ESR1: variants seen among roughly 807,000 people sequenced by gnomAD.
ESR1 encodes estrogen receptor.
Under a neutral mutation model 52.7 loss-of-function variants are expected in ESR1, and 12 were observed. That is an observed-to-expected ratio of 0.23 (90% CI 0.15 to 0.37). ESR1 has a LOEUF of 0.37. Ranked by LOEUF, ESR1 falls within the 10% of genes least tolerant of loss-of-function variation. The pLI, the probability that ESR1 is intolerant of heterozygous loss-of-function variation, is 1.00. For missense variants in ESR1, 584 were observed against 779.7 expected, an observed-to-expected ratio of 0.75 and a Z score of 2.99; for synonymous variants, 305 against 316.8, an observed-to-expected ratio of 0.96 and a Z score of 0.39.
At chr6:151,996,971 A>G (rs1023674116) in intron 4 of ESR1, among the ~76,000 whole-genome samples, 2 of 151,962 alleles carry the variant, frequency 1.3e-5, no homozygotes, top group Non-Finnish European at 2.9e-5. Flanking sequence ...AGACCATCCA[A>G]TGGTGTTATT....
At position 151,759,453 on chromosome 6, in the gene ESR1, C is replaced by T. The variant is rs1033438593; in HGVS notation, c.-70-48390C>T. ...GTGGGTGCAGCGCACCAGCATGGCA[C>T]ATGTATACATATGTAACTAACCTGC... is the stretch of plus-strand genomic sequence containing the variant. On this transcript the variant is annotated intron_variant, in intron 2 of 2. Coordinates refer to the ESR1 transcript ENST00000404742. 3.2e-4 allele frequency among the ~76,000 whole-genome samples: 49 copies of T among 151,858 alleles called. 1 individual carries two copies. Among genetic ancestry groups the T allele is most frequent in the Non-Finnish European group, 2.6e-4 (18 of 67,984 alleles).
intron 3 of ESR1, among the ~76,000 whole-genome samples, chr6:151,884,407 A>C (rs1583938880): frequency 6.6e-6 from 1 of 152,218 alleles, no homozygotes; most frequent in Non-Finnish European, 1.5e-5. Context: ...TCTTTACAAC[A>C]TGTTTTCAAC....
chr6:151,764,678 T>C (rs969995120), intron 2 of ESR1, among the ~76,000 whole-genome samples: 6 of 152,182 alleles, frequency 3.9e-5, no homozygotes, highest in Admixed American at 1.3e-4. Flanking sequence ...TTCATCAAGA[T>C]CCAAATTTTC....
rs1008265604 is a variant in ESR1 at position 152,061,741 on chromosome 6, T to G, written c.1369+617T>G. Among the ~76,000 whole-genome samples, 1 of 150,848 alleles carries G rather than the reference T, an allele frequency of 6.6e-6. No individual in the cohort carries two copies. The highest frequency in any genetic ancestry group is 1.5e-5 in the Non-Finnish European group (1 of 68,022). Reference sequence around the variant, plus strand: ...AGCTAAGAGCAACATCTGTTTTTTGTTTTTGTTTTTGTTTTTGTTTTGTTT... The same window carrying G: ...AGCTAAGAGCAACATCTGTTTTTTGGTTTTGTTTTTGTTTTTGTTTTGTTT... On this transcript the variant is annotated intron_variant, in intron 6 of 7. Coordinates refer to ENST00000206249, the MANE Select transcript of ESR1 (RefSeq NM_000125.4). The surrounding 1 kb of genome is among the most constrained non-coding windows in gnomAD (Gnocchi z 4.3).
At chr6:152,014,801 G>A (rs1254528020) in intron 5 of ESR1, among the ~76,000 whole-genome samples, 3 of 152,038 alleles carry the variant, frequency 2.0e-5, no homozygotes, top group Non-Finnish European at 2.9e-5. Flanking sequence ...CTCCCATACT[G>A]CTGCTGGAGA....
At chr6:151,667,089 T>C (rs1777855284) in intron 1 of ESR1, among the ~76,000 whole-genome samples, 1 of 152,092 alleles carries the variant, frequency 6.6e-6, no homozygotes, top group African/African-American at 2.4e-5. Context: ...AATTCATAGA[T>C]TTGCTGTCTG....
At chr6:151,687,410 C>T (rs1464075872), upstream of ESR1, among the ~76,000 whole-genome samples, 1 of 152,130 alleles carries the variant, frequency 6.6e-6, no homozygotes, top group African/African-American at 2.4e-5. Flanking sequence ...AGCTGTTTTG[C>T]TAGAGTGATA....
chr6:151,743,625 T>C (rs1409306439), intron 2 of ESR1, among the ~76,000 whole-genome samples: 1 of 152,144 alleles, frequency 6.6e-6, no homozygotes, highest in Admixed American at 6.5e-5. Context: ...GTTACAGAGA[T>C]CACAGTAACA....
chr6:152,089,629 A>T (rs551768686), intron 6 of ESR1, among the ~76,000 whole-genome samples: 3 of 152,314 alleles, frequency 2.0e-5, no homozygotes, highest in African/African-American at 7.2e-5. Context: ...CCCAGGCTAG[A>T]GTGCAGTGGT....
At chr6:151,941,525 G>T (rs76469894) in intron 3 of ESR1, among the ~76,000 whole-genome samples, 1 of 151,554 alleles carries the variant, frequency 6.6e-6, no homozygotes, top group Non-Finnish European at 1.5e-5. Context: ...GGTGTCCACC[G>T]CAAGGCTCTT....
chr6:151,663,340 A>G (rs1777703940), intron 1 of ESR1, among the ~76,000 whole-genome samples: 1 of 152,176 alleles, frequency 6.6e-6, no homozygotes, highest in Admixed American at 6.5e-5. Context: ...CATCACTTTT[A>G]TTTCAAAATC....
intron 2 of ESR1, among the ~76,000 whole-genome samples, chr6:151,873,083 A>C (rs1200881917): frequency 6.6e-6 from 1 of 152,198 alleles, no homozygotes; most frequent in Non-Finnish European, 1.5e-5. Flanking sequence ...ACAGTTGCAG[A>C]GATTCCTTGC....
chr6:151,699,545 T>C (rs1463990805), intron 1 of ESR1, among the ~76,000 whole-genome samples: 2 of 152,324 alleles, frequency 1.3e-5, no homozygotes, highest in South Asian at 2.1e-4. Context: ...ATTTGGCATA[T>C]GAAGCTTAGA....
intron 1 of ESR1, among the ~76,000 whole-genome samples, chr6:151,820,008 A>G (rs1277987290): frequency 6.6e-6 from 1 of 152,194 alleles, no homozygotes; most frequent in Non-Finnish European, 1.5e-5. Flanking sequence ...AGTGAGGGAG[A>G]TGACAAGTGG....
At chr6:151,912,918 G>A (rs371076551) in intron 3 of ESR1, among the ~76,000 whole-genome samples, 10 of 152,014 alleles carry the variant, frequency 6.6e-5, no homozygotes, top group African/African-American at 2.4e-4. Context: ...GGGGCCTGTC[G>A]GGAGTTGGGG....
At chr6:151,700,922 T>A (rs1779729743) in intron 1 of ESR1, among the ~76,000 whole-genome samples, 1 of 152,070 alleles carries the variant, frequency 6.6e-6, no homozygotes, top group Admixed American at 6.6e-5. Context: ...AGTAAAAAAG[T>A]GCCCCATGGG....
intron 4 of ESR1, among the ~76,000 whole-genome samples, chr6:151,988,899 A>G (rs1179771587): frequency 1.3e-5 from 2 of 152,230 alleles, no homozygotes; most frequent in African/African-American, 4.8e-5. Context: ...AATTTCACCA[A>G]TACTTTTTAC....
At position 151,996,329 on chromosome 6, in the gene ESR1, G is replaced by T. The variant is rs574642860; in HGVS notation, c.1097-15327G>T. ...ATACACCCTCTGCTTTAGCCAGGGG[G>T]ACCTCCCACTGTCCTCTCTATGTGT... On this transcript the variant is annotated intron_variant, in intron 4 of 7. Coordinates refer to ENST00000206249, the MANE Select transcript of ESR1 (RefSeq NM_000125.4). Among the ~76,000 whole-genome samples the T allele has an allele frequency of 1.4e-4, 21 of 152,148 alleles. No homozygotes were observed. The South Asian group carries it at 4.1e-3, about 30-fold the overall frequency.
intron 1 of ESR1, among the ~76,000 whole-genome samples, chr6:151,698,160 GT>G (rs1779504082): frequency 6.6e-6 from 1 of 151,786 alleles, no homozygotes; most frequent in Non-Finnish European, 1.5e-5. Flanking sequence ...TTGCTCAGGA[GT>G]TTGAGAGCAG....
Sources: gnomAD v4.1 joint callset for allele counts (sites outside exome capture counted in the v4.1 genomes callset) on GRCh38, gnomAD v4.1.1 for gene constraint, Gnocchi (gnomAD v3.1) non-coding constraint, MANE v1.5 for transcripts, NCBI Gene and HGNC (gene_info 2026-07-23, HGNC 2026-07-21) for gene names.